STAU2: variants seen among roughly 807,000 people sequenced by gnomAD.
STAU2 encodes double-stranded RNA-binding protein Staufen homolog 2.
A neutral mutation model predicts 65.9 loss-of-function variants in STAU2; 20 were observed. The ratio of observed to expected loss-of-function variants is 0.30; its 90% CI spans 0.21 to 0.44. STAU2 has a LOEUF of 0.44. Among genes scored for constraint, STAU2 ranks in the 20% least tolerant of loss-of-function variants. The pLI is 1.00. For synonymous variants in STAU2, 232 were observed against 233.9 expected (o/e 0.99, Z 0.07); for missense variants, 558 against 683.9 (o/e 0.82, Z 2.05).
chr8:73,465,128 G>C (rs78871609), intron 13 of STAU2, among the ~76,000 whole-genome samples: 1,675 of 152,308 alleles, frequency 0.011, 18 homozygotes, highest in Middle Eastern at 0.048. Context: ...AGAGAAGTCA[G>C]GTGAAAGAGA....
intron 13 of STAU2, among the ~76,000 whole-genome samples, chr8:73,508,470 A>T (rs1200735218): frequency 6.6e-6 from 1 of 152,188 alleles, no homozygotes; most frequent in African/African-American, 2.4e-5. Flanking sequence ...GCACCCTAAA[A>T]CAATTACAAT....
rs72659432 is a variant in STAU2, at chr8:73,421,078, C to A, written c.*294G>T. ...TCATGTTAAAATTTTAGCTTTGTTTCTAACACTTTTCTTTACTTGTTATTT... is the reference window on the plus strand; with the variant it reads ...TCATGTTAAAATTTTAGCTTTGTTTATAACACTTTTCTTTACTTGTTATTT... On this transcript the variant is annotated 3_prime_UTR_variant, in exon 15 of 15. Transcript: ENST00000524300. The A allele has an allele frequency of 5.0e-3, 1,469 of 292,116 alleles. 8 individuals carry two copies. Among genetic ancestry groups the A allele is most frequent in the South Asian group, 0.016 (165 of 10,616 alleles). 18.1% of individuals were successfully genotyped at this position (292,116 alleles called of 1,614,324 possible). A position where few individuals can be genotyped will look rare whatever the true frequency, so the allele number is the denominator to read the frequency against.
At chr8:73,640,453 A>C (rs749774860) in intron 6 of STAU2, among the ~76,000 whole-genome samples, 2 of 152,172 alleles carry the variant, frequency 1.3e-5, no homozygotes, top group Non-Finnish European at 2.9e-5. Flanking sequence ...AAACGTTCTG[A>C]AAAGAGCCAA....
intron 2 of STAU2, 42 bp from the exon 3 acceptor site, chr8:73,738,391 T>C: frequency 2.1e-6 from 3 of 1,436,302 alleles, no homozygotes; most frequent in Non-Finnish European, 2.9e-6. Context: ...ACTTAGCTGA[T>C]AACCTCAATG....
chr8:73,552,289 T>A lies in STAU2; in HGVS notation c.1253A>T (p.Asp418Val). 7.4e-6 allele frequency: 12 copies of A among 1,613,182 alleles called. No individual in the cohort carries two copies. The highest frequency in any genetic ancestry group is 9.3e-6 in the Non-Finnish European group (11 of 1,179,550). ...TPKGILHLSP[D>V]VYQEMEASRH... is the part of the protein sequence containing the mutation. ...GCTGGCTTCCATCTCTTGATAAACA[T>A]CAGGAGACAAATGAAGAATTCCTTT... The change falls in exon 13 of 15, where the codon GAT becomes GTT. Residue 418 changes from aspartate (D) to valine (V), a missense_variant. Physicochemically the swap from Asp to Val is radical, Grantham distance 152. This residue lies in a region of STAU2 where 247 missense variants were observed against 270.1 expected (regional missense o/e 0.91). Coordinates refer to ENST00000524300, the MANE Select transcript of STAU2 (RefSeq NM_001164380.2).
chr8:73,732,640 G>T (rs964627194), intron 3 of STAU2: 2 of 152,180 alleles, frequency 1.3e-5, no homozygotes, highest in African/African-American at 4.8e-5. Context: ...TCCACACCCA[G>T]TCTTGGAAAG....
chr8:73,721,640 T>G (rs1462311410), intron 3 of STAU2, among the ~76,000 whole-genome samples: 1 of 152,198 alleles, frequency 6.6e-6, no homozygotes, highest in Non-Finnish European at 1.5e-5. Flanking sequence ...ACTGACCTCT[T>G]TACCATTATA....
chr8:73,568,295 T>C (rs537011316), intron 12 of STAU2, among the ~76,000 whole-genome samples: 1 of 152,348 alleles, frequency 6.6e-6, no homozygotes, highest in South Asian at 2.1e-4. Context: ...TGACTCATGT[T>C]AAAACACAAG....
chr8:73,601,736 C>A (rs1811643830), intron 10 of STAU2, among the ~76,000 whole-genome samples: 1 of 152,064 alleles, frequency 6.6e-6, no homozygotes, highest in Non-Finnish European at 1.5e-5. Context: ...TTATGAATAC[C>A]CATAAAATGG....
chr8:73,675,368 T>TACAC (rs1427282407), intron 5 of STAU2: 1 of 74,642 alleles, frequency 1.3e-5, no homozygotes, highest in African/African-American at 5.3e-5. Flanking sequence ...GACATACATG[T>TACAC]ATACACACAC....
chr8:73,706,881 A>T (rs780872747), intron 4 of STAU2, among the ~76,000 whole-genome samples: 1 of 152,212 alleles, frequency 6.6e-6, no homozygotes, highest in African/African-American at 2.4e-5. Flanking sequence ...AGATAGATAA[A>T]AGGTCAGTTC....
chr8:73,635,908 C>CCACACACACACACA (rs756554962), intron 6 of STAU2, among the ~76,000 whole-genome samples: 1 of 74,876 alleles, frequency 1.3e-5, no homozygotes, highest in African/African-American at 7.0e-5. Context: ...GACCCCTGAA[C>CCACACACACACACA]CACACACACA....
chr8:73,545,334 T>C (rs1045930513), intron 13 of STAU2, among the ~76,000 whole-genome samples: 34 of 152,012 alleles, frequency 2.2e-4, no homozygotes, highest in African/African-American at 8.2e-4. Flanking sequence ...AGCCACCTCA[T>C]CCAGCCTGTA....
intron 13 of STAU2, among the ~76,000 whole-genome samples, chr8:73,465,240 G>A (rs1819585575): frequency 1.3e-5 from 2 of 152,178 alleles, no homozygotes; most frequent in South Asian, 2.1e-4. Context: ...CCTCTTCAGT[G>A]CTCAAGAGTC....
At chr8:73,722,350 T>C (rs1393008415) in intron 3 of STAU2, among the ~76,000 whole-genome samples, 1 of 152,236 alleles carries the variant, frequency 6.6e-6, no homozygotes, top group African/African-American at 2.4e-5. Context: ...TTACCATTTC[T>C]AGTGTTCTTT....
Position 73,490,541 on chromosome 8 carries a change from C to T in STAU2, c.1530+61471G>A, listed in dbSNP as rs16938684. ...CTTAGCTCAATCCATGTTGAGAAAA[C>T]GTAGCAGTTCTCATGTTTTAACTCT... On this transcript the variant is annotated intron_variant, in intron 13 of 14. Coordinates refer to ENST00000524300, the MANE Select transcript of STAU2 (RefSeq NM_001164380.2). Among the ~76,000 whole-genome samples the T allele has an allele frequency of 6.6e-3, 1,003 of 152,094 alleles. 11 individuals carry two copies. Among genetic ancestry groups the T allele is most frequent in the African/African-American group, 0.023 (966 of 41,520 alleles).
At chr8:73,724,721 ACT>A (rs1165428489) in intron 3 of STAU2, among the ~76,000 whole-genome samples, 1 of 145,474 alleles carries the variant, frequency 6.9e-6, no homozygotes, top group African/African-American at 2.6e-5. Flanking sequence ...TCAAGGTCCC[ACT>A]CTGTCACCCA....
intron 6 of STAU2, among the ~76,000 whole-genome samples, chr8:73,637,477 T>TAAAAAAAAAAAAGAAAAAAA (rs1814619271): frequency 1.8e-5 from 1 of 57,088 alleles, no homozygotes; most frequent in Non-Finnish European, 3.0e-5. Context: ...GTGCTGAAAG[T>TAAAAAAAAAAAAGAAAAAAA]AAAAAAAAAA....
chr8:73,587,607 A>G (rs1477253639), intron 11 of STAU2, among the ~76,000 whole-genome samples: 1 of 152,248 alleles, frequency 6.6e-6, no homozygotes. Flanking sequence ...AAAGATGTAG[A>G]AAAGTGTATG....
Sources: gnomAD v4.1 joint callset for allele counts (sites outside exome capture counted in the v4.1 genomes callset) on GRCh38, gnomAD v4.1.1 for gene constraint, gnomAD v4.1.1 regional missense constraint, MANE v1.5 for transcripts, NCBI Gene and HGNC (gene_info 2026-07-23, HGNC 2026-07-21) for gene names.